Variants in CES5A observed in about 807,000 individuals in gnomAD.
CES5A encodes the protein carboxylesterase 5A.
Under a neutral mutation model 62.9 loss-of-function variants are expected in CES5A, and 67 were observed. The observed-to-expected ratio is 1.07, with a 90% CI of 0.88 to 1.31. The LOEUF is 1.31. Ranked by LOEUF, CES5A falls within the 50% of genes most tolerant of loss-of-function variation. The pLI, the probability that CES5A is intolerant of heterozygous loss-of-function variation, is 0.00. For missense variants in CES5A, 748 were observed against 708.5 expected, an observed-to-expected ratio of 1.06 and a Z score of -0.63; for synonymous variants, 296 against 280.8, an observed-to-expected ratio of 1.05 and a Z score of -0.54.
intron 1 of CES5A, among the ~76,000 whole-genome samples, chr16:55,907,059 A>G (rs886498716): frequency 6.6e-6 from 1 of 152,220 alleles, no homozygotes; most frequent in Non-Finnish European, 1.5e-5. Flanking sequence ...ATAGGTGCTC[A>G]ATTAAGCTAG....
intron 1 of CES5A, among the ~76,000 whole-genome samples, chr16:55,902,127 C>T (rs1179415669): frequency 6.6e-6 from 1 of 152,176 alleles, no homozygotes; most frequent in African/African-American, 2.4e-5. Flanking sequence ...TTTTCCATGT[C>T]CTCTCCTCTG....
rs1364431917 is a variant in CES5A, at chr16:55,852,733, G to A, written c.1273+148C>T. The A allele has an allele frequency of 5.2e-6, 4 of 775,800 alleles. No individual in the cohort carries two copies. In the African/African-American group the frequency reaches 7.0e-5, roughly 14 times the overall value. The allele number at this position is 775,800 out of a possible 1,614,324, so 48.1% of individuals were successfully genotyped here. A position where few individuals can be genotyped will look rare whatever the true frequency, so the allele number is the denominator to read the frequency against. ...GCAGGTGAATGACGCAGGTCCCCATGGCATGTTTCCATCCAGGCACACCTG... is the reference window on the plus strand; with the variant it reads ...GCAGGTGAATGACGCAGGTCCCCATAGCATGTTTCCATCCAGGCACACCTG... On this transcript the variant is annotated intron_variant, in intron 10 of 12. Transcript: ENST00000290567.
At chr16:55,894,506 A>AC (rs1188827925) in intron 1 of CES5A, among the ~76,000 whole-genome samples, 1 of 150,928 alleles carries the variant, frequency 6.6e-6, no homozygotes, top group Non-Finnish European at 1.5e-5. Context: ...CTCAAAAAAA[A>AC]AAAAAAAAAG....
At chr16:55,874,064 G>A (rs371679442) in intron 1 of CES5A, 27 bp from the exon 2 acceptor site, 5 of 1,568,108 alleles carry the variant, frequency 3.2e-6, no homozygotes, top group Non-Finnish European at 4.3e-6. Context: ...GAGGAATCAG[G>A]AGCAGGCTGG....
intron 1 of CES5A, among the ~76,000 whole-genome samples, chr16:55,912,665 G>C (rs1213886788): frequency 6.6e-6 from 1 of 152,066 alleles, no homozygotes; most frequent in Non-Finnish European, 1.5e-5. Flanking sequence ...AAGAAATAGC[G>C]ACCTGGGAAG....
At chr16:55,956,012 T>G in exon 1 of CES5A, 1 of 1,016,458 alleles carries the variant, frequency 9.8e-7, no homozygotes, top group South Asian at 1.6e-5. Context: ...GTTCACCACT[T>G]TCCTCTACCG....
At chr16:55,850,399 T>C (rs2033107100) in intron 10 of CES5A, among the ~76,000 whole-genome samples, 1 of 152,218 alleles carries the variant, frequency 6.6e-6, no homozygotes, top group Admixed American at 6.5e-5. Context: ...ACTTCTCAGC[T>C]TCTGGAAAAC....
chr16:55,914,163 T>C (rs888972061), intron 1 of CES5A, among the ~76,000 whole-genome samples: 2 of 152,240 alleles, frequency 1.3e-5, no homozygotes, highest in Admixed American at 1.3e-4. Context: ...GGGCCTCCTA[T>C]ATTTTTATTT....
chr16:55,847,190 C>T (rs1304704688), intron 11 of CES5A, among the ~76,000 whole-genome samples: 7 of 151,266 alleles, frequency 4.6e-5, no homozygotes, highest in African/African-American at 1.5e-4. Flanking sequence ...TCTCCATCCT[C>T]TCTTCCTTCT....
At chr16:55,929,363 C>T (rs574072937), upstream of CES5A, among the ~76,000 whole-genome samples, 2 of 152,352 alleles carry the variant, frequency 1.3e-5, no homozygotes, top group South Asian at 2.1e-4. Context: ...CCTCATACCC[C>T]CTCCTCAGAA....
intron 11 of CES5A, 106 bp from the exon 12 acceptor site, chr16:55,846,946 C>T: frequency 3.3e-6 from 3 of 918,844 alleles, no homozygotes; most frequent in Non-Finnish European, 5.2e-6. Flanking sequence ...CCACTGTAAA[C>T]TTACAAGCCT....
intron 1 of CES5A, among the ~76,000 whole-genome samples, chr16:55,915,405 G>A (rs1265285384): frequency 2.0e-5 from 3 of 152,134 alleles, no homozygotes; most frequent in Non-Finnish European, 4.4e-5. Context: ...AAGAGCAGTG[G>A]AAGGGGGTGG....
At chr16:55,885,447 A>G (rs2033805566) in intron 1 of CES5A, among the ~76,000 whole-genome samples, 1 of 152,140 alleles carries the variant, frequency 6.6e-6, no homozygotes, top group Non-Finnish European at 1.5e-5. Flanking sequence ...ATGCCTATGG[A>G]TGGGAATTGG....
At chr16:55,848,187 G>A (rs2033054345) in intron 11 of CES5A, among the ~76,000 whole-genome samples, 1 of 152,092 alleles carries the variant, frequency 6.6e-6, no homozygotes, top group Non-Finnish European at 1.5e-5. Flanking sequence ...GCTCACTGCA[G>A]CCTCGAACTC....
chr16:55,858,776 G>A (rs547768723), intron 8 of CES5A, among the ~76,000 whole-genome samples: 2 of 152,270 alleles, frequency 1.3e-5, no homozygotes, highest in South Asian at 4.1e-4. Context: ...CTCCTCTGAG[G>A]ACAGATGAAA....
At chr16:55,944,475 G>A (rs1302719541) in intron 2 of CES5A, 3 of 167,658 alleles carry the variant, frequency 1.8e-5, no homozygotes, top group Admixed American at 1.2e-4. Context: ...ACCACTAGAT[G>A]GCGGTAGCTG....
intron 1 of CES5A, among the ~76,000 whole-genome samples, chr16:55,922,226 C>T (rs771601451): frequency 4.6e-5 from 7 of 151,684 alleles, no homozygotes; most frequent in Non-Finnish European, 8.9e-5. Flanking sequence ...TAAGTGAACT[C>T]AATTCCCCAA....
At position 55,951,103 on chromosome 16, in the gene CES5A, C is replaced by CAAAAAAAAAAAAAAAAAAAA. The variant is rs55951124; in HGVS notation, c.43-1221_43-1202dup. The stretch of plus-strand genomic sequence containing the variant: ...CCTGGGAGACAGCGAGACTCCATCT[C>CAAAAAAAAAAAAAAAAAAAA]AAAAAAAAAAAAAAAAAAAAAAAAA... On this transcript the variant is annotated intron_variant, in intron 1 of 13. Coordinates refer to the CES5A transcript ENST00000521992. 2.5e-4 allele frequency among the ~76,000 whole-genome samples: 11 copies of CAAAAAAAAAAAAAAAAAAAA among 44,378 alleles called. 1 individual carries two copies. The highest frequency in any genetic ancestry group is 1.4e-3 in the African/African-American group (11 of 8,142). 29.1% of individuals were successfully genotyped at this position (44,378 alleles called of 152,430 possible).
chr16:55,938,593 TG>T (rs1192872899), intron 2 of CES5A, among the ~76,000 whole-genome samples: 1 of 150,484 alleles, frequency 6.6e-6, no homozygotes, highest in Non-Finnish European at 1.5e-5. Flanking sequence ...AAAAATTATC[TG>T]GGTATGGTGG....
Sources: gnomAD v4.1 joint callset for allele counts (sites outside exome capture counted in the v4.1 genomes callset) on GRCh38, gnomAD v4.1.1 for gene constraint, MANE v1.5 for transcripts, NCBI Gene and HGNC (gene_info 2026-07-23, HGNC 2026-07-21) for gene names.